The following MUC5B variants were observed in gnomAD, a reference collection of about 807,000 sequenced individuals.
The protein encoded by MUC5B is mucin 5B, oligomeric mucus/gel-forming, also known as mucin-5B.
A neutral mutation model predicts 376.9 loss-of-function variants in MUC5B; 116 were observed. The observed-to-expected ratio is 0.31, with a 90% confidence interval of 0.26 to 0.36. The LOEUF is 0.36. Ranked by LOEUF, MUC5B falls within the 10% of genes least tolerant of loss-of-function variation. MUC5B has a pLI of 1.00. For missense variants in MUC5B, 7,165 were observed against 7,769.9 expected (o/e 0.92, Z 2.93); for synonymous variants, 3,517 against 3,390.9 (o/e 1.04, Z -1.29).
rs2133841851 is a variant in MUC5B at position 1,250,167 on chromosome 11, T to A, written c.13287T>A (p.Thr4429=). 6.3e-7 allele frequency: 1 copy of A among 1,575,742 alleles called. No individual in the cohort carries two copies. The highest frequency in any genetic ancestry group is 8.7e-7 in the Non-Finnish European group (1 of 1,155,730). ...TCACAGAGCTGACCACAACAGCCAC[T>A]ACGACTGCGTCCACTGGATCCACGG... ...WILTELTTTA[T]TTASTGSTAT... Residue 4429 remains threonine, a synonymous_variant, in exon 31 of 49, where the codon ACT becomes ACA. Coordinates refer to ENST00000529681, the MANE Select transcript of MUC5B (RefSeq NM_002458.3).
chr11:1,227,443 C>A, intron 6 of MUC5B, 45 bp downstream of exon 6: 1 of 1,450,246 alleles, frequency 6.9e-7, no homozygotes, highest in Non-Finnish European at 9.6e-7. Flanking sequence ...TTATGTCGGC[C>A]AACGAAGAGC....
In MUC5B at chr11:1,249,853, C is replaced by T; in HGVS notation, c.12973C>T (p.Pro4325Ser). 2 of 1,613,588 alleles carry T rather than the reference C, an allele frequency of 1.2e-6. No individual in the cohort carries two copies. The highest frequency in any genetic ancestry group is 1.1e-5 in the South Asian group (1 of 91,074). The change falls in exon 31 of 49, where the codon CCC becomes TCC. Residue 4325 changes from proline (P) to serine (S), a missense_variant. Pro to Ser is a moderately conservative substitution (Grantham distance 74). Transcript: ENST00000529681. ...ATKSTATSVT[P>S]IPSSTLGTTG... ...CAAATCCACAGCTACCAGCGTTACACCCATCCCCTCCTCCACCCTTGGGAC... is the reference window on the plus strand; with the variant it reads ...CAAATCCACAGCTACCAGCGTTACATCCATCCCCTCCTCCACCCTTGGGAC...
At position 1,234,099 on chromosome 11, in the gene MUC5B, G is replaced by A. The variant is rs55943844; in HGVS notation, c.2378-106G>A. The A allele has an allele frequency of 3.6e-4, 352 of 976,350 alleles. No homozygotes were observed. The highest frequency in any genetic ancestry group is 2.9e-3 in the Middle Eastern group (9 of 3,138). 60.5% of individuals were successfully genotyped at this position (976,350 alleles called of 1,614,324 possible). A position where few individuals can be genotyped will look rare whatever the true frequency, so the allele number is the denominator to read the frequency against. ...GCAGGTGTCATGGAAGCTTTGGCTC[G>A]GGGGCTGTTAACTTGATCAGCAGGA... On this transcript the variant is annotated intron_variant, in intron 19 of 48. Coordinates refer to ENST00000529681, the MANE Select transcript of MUC5B (RefSeq NM_002458.3). The surrounding 1 kb of genome is among the most constrained non-coding windows in gnomAD (Gnocchi z 6.3).
In MUC5B at chr11:1,251,531, C is replaced by G; in HGVS notation, c.14651C>G (p.Ala4884Gly). 6.2e-7 allele frequency: 1 copy of G among 1,613,082 alleles called. No individual in the cohort carries two copies. Among genetic ancestry groups the G allele is most frequent in the Non-Finnish European group, 8.5e-7 (1 of 1,179,792 alleles). ...ACCCCCAAAGTGGTGACCACCATGG[C>G]CACTATGCCCACAGCCACTGCCTCC... Reference protein sequence around the residue: ...AHTPKVVTTMATMPTATASTV... With the variant: ...AHTPKVVTTMGTMPTATASTV... The change falls in exon 31 of 49, where the codon GCC becomes GGC. Residue 4884 changes from alanine to glycine, a missense_variant. Transcript: ENST00000529681.
intron 15 of MUC5B, 22 bp downstream of exon 15, chr11:1,232,182 A>C (rs1356380363): frequency 1.9e-6 from 3 of 1,567,608 alleles, no homozygotes; most frequent in East Asian, 2.3e-5. Flanking sequence ...CCCCACCCCC[A>C]CAGTCACCCC....
chr11:1,232,457 C>T lies in MUC5B; in HGVS notation c.1851C>T (p.Tyr617=), dbSNP rs774884929. 27 of 1,605,598 alleles carry T rather than the reference C, an allele frequency of 1.7e-5. No homozygotes were observed. Among genetic ancestry groups the T allele is most frequent in the Middle Eastern group, 1.6e-4 (1 of 6,074 alleles). Residue 617 remains tyrosine, a synonymous_variant, in exon 16 of 49, where the codon TAC becomes TAT. Transcript: ENST00000529681. Reference sequence around the variant, plus strand: ...GTCAGGTCTTCCCCACAGAGAACTACGCCCGGCACTGGTGCTCGCGCCTGA... The same window carrying T: ...GTCAGGTCTTCCCCACAGAGAACTATGCCCGGCACTGGTGCTCGCGCCTGA... The part of the protein sequence containing the change: ...PCSLSVENEN[Y]ARHWCSRLTD...
At position 1,242,582 on chromosome 11, in the gene MUC5B, C is replaced by T. The variant is rs371425310; in HGVS notation, c.5702C>T (p.Pro1901Leu). ...TCCACGGCCACGCCCTCCTCAACTC[C>T]GGGGACGACCTGGATCCTCACAAAG... is the stretch of plus-strand genomic sequence containing the variant. ...TSSTATPSST[P>L]GTTWILTKPT... Residue 1901 changes from proline (P) to leucine (L), a missense_variant, in exon 31 of 49, where the codon CCG becomes CTG. By Grantham distance (98) the Pro-to-Leu change is moderately conservative (BLOSUM62 -3). Transcript: ENST00000529681. 49 of 1,613,656 alleles carry T rather than the reference C, an allele frequency of 3.0e-5. No individual in the cohort carries two copies. The highest frequency in any genetic ancestry group is 5.0e-5 in the Admixed American group (3 of 59,980).
At chr11:1,224,483 CCTGGGTTGGGGAGGGGCTGT>C (rs1431563232) in intron 1 of MUC5B, among the ~76,000 whole-genome samples, 1 of 134,058 alleles carries the variant, frequency 7.5e-6, no homozygotes, top group African/African-American at 2.8e-5. Flanking sequence ...GGAGGGGTTG[CCTGGGTTGGGGAGGGGCTGT>C]CTGGGGCAGG....
chr11:1,257,827 G>GC lies in MUC5B; in HGVS notation c.16450+117_16450+118insC. ...CAGAGGAGAGCCACTGTGTCCTGGC[G>GC]TGACCGCGGCAGGACCACTCGGCAG... is the stretch of plus-strand genomic sequence containing the variant. On this transcript the variant is annotated intron_variant, in intron 41 of 48. Coordinates refer to ENST00000529681, the MANE Select transcript of MUC5B (RefSeq NM_002458.3). This position sits in a 1 kb window ranked among gnomAD's most constrained non-coding sequence, Gnocchi z 8.9. 1.6e-6 allele frequency: 2 copies of GC among 1,275,042 alleles called. No homozygotes were observed. Among genetic ancestry groups the GC allele is most frequent in the South Asian group, 1.5e-5 (1 of 66,804 alleles). 79.0% of individuals were successfully genotyped at this position (1,275,042 alleles called of 1,614,324 possible). A position where few individuals can be genotyped will look rare whatever the true frequency, so the allele number is the denominator to read the frequency against.
At chr11:1,229,663 G>T in intron 9 of MUC5B, 27 bp from the exon 10 acceptor site, 1 of 1,529,208 alleles carries the variant, frequency 6.5e-7, no homozygotes, top group Non-Finnish European at 8.8e-7. Flanking sequence ...TGCATGGGCC[G>T]GCCCTGCCTC....
At position 1,234,345 on chromosome 11, in the gene MUC5B, GT is replaced by G. The variant is rs1320091316; in HGVS notation, c.2478+41del. ...TCAGGGAGGGGTGGGCAGGGAAGGG[GT>G]CCCAGCTTTCCCAGCTCCCGAGCCC... On this transcript the variant is annotated intron_variant, in intron 20 of 48. Coordinates refer to ENST00000529681, the MANE Select transcript of MUC5B (RefSeq NM_002458.3). The surrounding 1 kb of genome is among the most constrained non-coding windows in gnomAD (Gnocchi z 6.3). 6.5e-7 allele frequency: 1 copy of G among 1,538,442 alleles called. No individual in the cohort carries two copies. Among genetic ancestry groups the G allele is most frequent in the Non-Finnish European group, 8.9e-7 (1 of 1,129,256 alleles).
Position 1,233,078 on chromosome 11 carries a change from A to G in MUC5B, c.2131A>G (p.Thr711Ala), listed in dbSNP as rs757005659. Residue 711 changes from threonine to alanine, a missense_variant, in exon 18 of 49, where the codon ACT (threonine) becomes GCT (alanine). Thr to Ala is a moderately conservative substitution (Grantham distance 58, BLOSUM62 0). Transcript: ENST00000529681. ...CTACGTGGTGGATGCCTGCCAGCCC[A>G]CTTGCCGCGGCCTGAGTGAGGCCGA... ...YAYVVDACQPTCRGLSEADVT... is the reference protein window; with the variant it reads ...YAYVVDACQPACRGLSEADVT... The G allele has an allele frequency of 1.2e-6, 2 of 1,606,964 alleles. No individual in the cohort carries two copies. Among genetic ancestry groups the G allele is most frequent in the East Asian group, 2.2e-5 (1 of 44,850 alleles).
In MUC5B at chr11:1,223,620, C is replaced by A. The variant is rs535031624; in HGVS notation, c.70+427C>A. Among the ~76,000 whole-genome samples the A allele has an allele frequency of 3.9e-5, 6 of 152,322 alleles. No individual in the cohort carries two copies. The East Asian group carries it at 5.8e-4, about 15-fold the overall frequency. On this transcript the variant is annotated intron_variant, in intron 1 of 48. Coordinates refer to ENST00000529681, the MANE Select transcript of MUC5B (RefSeq NM_002458.3). The stretch of plus-strand genomic sequence containing the variant: ...CCAGGACCGGCTCTACCCTTCACGA[C>A]CTCCCTGGGGATCACAGCTGGCAGG...
chr11:1,224,397 C>A (rs1446445662), intron 1 of MUC5B, among the ~76,000 whole-genome samples: 3 of 151,668 alleles, frequency 2.0e-5, no homozygotes, highest in Non-Finnish European at 4.4e-5. Context: ...CCCAGGTGGT[C>A]CAGCCCAAGG....
Position 1,249,938 on chromosome 11 carries a change from C to A in MUC5B, c.13058C>A (p.Pro4353His). 1.9e-6 allele frequency: 3 copies of A among 1,613,398 alleles called. No individual in the cohort carries two copies. The highest frequency in any genetic ancestry group is 2.5e-6 in the Non-Finnish European group (3 of 1,179,720). ...TPVATMSTIH[P>H]SSTPETTHTS... is the part of the protein sequence containing the mutation. The stretch of plus-strand genomic sequence containing the variant: ...GTGGCCACCATGTCCACAATCCACC[C>A]CTCCTCCACTCCGGAGACCACCCAC... Residue 4353 changes from proline to histidine, a missense_variant, in exon 31 of 49, where the codon CCC (proline) becomes CAC (histidine). Around this residue, in one of 31 missense-constraint regions of MUC5B, gnomAD observed 431 missense variants for 390.4 expected, o/e 1.10. Transcript: ENST00000529681.
At chr11:1,224,145 C>G (rs939743715) in intron 1 of MUC5B, among the ~76,000 whole-genome samples, 1 of 152,230 alleles carries the variant, frequency 6.6e-6, no homozygotes, top group Non-Finnish European at 1.5e-5. Context: ...GGCCATGCAG[C>G]CTTGGCTCCC....
In MUC5B at chr11:1,250,558, C is replaced by T. The variant is rs777974100; in HGVS notation, c.13678C>T (p.His4560Tyr). ...ACCCTCCTCCACTCCAGAGACTGTCCACACCTCCACAGTGCTTACCGCCAC... is the reference window on the plus strand; with the variant it reads ...ACCCTCCTCCACTCCAGAGACTGTCTACACCTCCACAGTGCTTACCGCCAC... ...ATPSSTPETVHTSTVLTATAT... is the reference protein window; with the variant it reads ...ATPSSTPETVYTSTVLTATAT... Residue 4560 changes from histidine (H) to tyrosine (Y), a missense_variant, in exon 31 of 49, where the codon CAC (histidine) becomes TAC (tyrosine). Physicochemically the swap from His to Tyr is moderately conservative, Grantham distance 83. Transcript: ENST00000529681. The T allele has an allele frequency of 1.9e-6, 3 of 1,613,482 alleles. No individual in the cohort carries two copies. Among genetic ancestry groups the T allele is most frequent in the Admixed American group, 3.3e-5 (2 of 59,996 alleles).
Position 1,254,076 on chromosome 11 carries a change from C to T in MUC5B, c.15218-16C>T. The T allele has an allele frequency of 6.2e-7, 1 of 1,607,104 alleles. No homozygotes were observed. Among genetic ancestry groups the T allele is most frequent in the Non-Finnish European group, 8.5e-7 (1 of 1,177,642 alleles). The stretch of plus-strand genomic sequence containing the variant: ...CCACCACGGAGCCTGCCAGCCCGTC[C>T]ATCTCTGTCCCGCAGGCATCTGCAG... On this transcript the variant is annotated splice_polypyrimidine_tract_variant and intron_variant, in intron 33 of 48. Coordinates refer to ENST00000529681, the MANE Select transcript of MUC5B (RefSeq NM_002458.3).
At chr11:1,235,783 A>T (rs1359631463) in intron 23 of MUC5B, among the ~76,000 whole-genome samples, 1 of 151,520 alleles carries the variant, frequency 6.6e-6, no homozygotes, top group East Asian at 2.0e-4. Context: ...GACACTGGTC[A>T]TTGGATTTAG....
Sources: gnomAD v4.1 joint callset for allele counts (sites outside exome capture counted in the v4.1 genomes callset) on GRCh38, gnomAD v4.1.1 for gene constraint, gnomAD v4.1.1 regional missense constraint, Gnocchi (gnomAD v3.1) non-coding constraint, MANE v1.5 for transcripts, NCBI Gene and HGNC (gene_info 2026-07-23, HGNC 2026-07-21) for gene names.